Variants in ADAM32 observed in about 807,000 individuals in gnomAD.
ADAM32 encodes the protein ADAM metallopeptidase domain 32, also known as disintegrin and metalloproteinase domain-containing protein 32.
Under a neutral mutation model 114.9 loss-of-function variants are expected in ADAM32, and 89 were observed. The ratio of observed to expected loss-of-function variants is 0.77; its 90% CI spans 0.65 to 0.92. ADAM32 has a LOEUF of 0.92. Among genes scored for constraint, ADAM32 ranks in the 40% least tolerant of loss-of-function variants. The probability of loss-of-function intolerance (pLI) is 0.00; values close to 1 mark genes in which losing one functional copy is unlikely to be tolerated. For missense variants in ADAM32, 870 were observed against 932.8 expected, an observed-to-expected ratio of 0.93 and a Z score of 0.88; for synonymous variants, 285 against 307.5, an observed-to-expected ratio of 0.93 and a Z score of 0.77.
chr8:39,275,961 A>G (rs1813049633), intron 22 of ADAM32, 95 bp downstream of exon 22: 1 of 1,199,694 alleles, frequency 8.3e-7, no homozygotes. Flanking sequence ...GCTAACTATT[A>G]ACTGAGTAGC....
intron 1 of ADAM32, among the ~76,000 whole-genome samples, chr8:39,116,585 T>A (rs902304909): frequency 6.6e-6 from 1 of 152,188 alleles, no homozygotes; most frequent in Non-Finnish European, 1.5e-5. Context: ...TACATTGATT[T>A]TGTATCCTGA....
chr8:39,189,939 C>T (rs577838945), intron 11 of ADAM32, among the ~76,000 whole-genome samples: 12 of 152,108 alleles, frequency 7.9e-5, no homozygotes, highest in African/African-American at 1.7e-4. Flanking sequence ...CTCAGCCTCC[C>T]GAGCAGCTGG....
At chr8:39,251,476 T>C (rs193276031) in intron 17 of ADAM32, among the ~76,000 whole-genome samples, 1 of 152,018 alleles carries the variant, frequency 6.6e-6, no homozygotes, top group East Asian at 1.9e-4. Context: ...TGTTGAACAT[T>C]TTTTCATATA....
At chr8:39,215,535 T>C (rs1808501097) in intron 12 of ADAM32, among the ~76,000 whole-genome samples, 1 of 152,018 alleles carries the variant, frequency 6.6e-6, no homozygotes, top group South Asian at 2.1e-4. Flanking sequence ...GCTATAAACA[T>C]ACCTTTTAGT....
chr8:39,270,952 A>C, intron 20 of ADAM32, 38 bp downstream of exon 20: 2 of 1,568,004 alleles, frequency 1.3e-6, no homozygotes, highest in East Asian at 4.5e-5. Context: ...ATACATGTTG[A>C]AAATTAAGAG....
chr8:39,150,730 T>A, intron 5 of ADAM32, among the ~76,000 whole-genome samples: 1 of 152,176 alleles, frequency 6.6e-6, no homozygotes, highest in East Asian at 1.9e-4. Flanking sequence ...TAGGGAGTAG[T>A]GACTTGGGCT....
chr8:39,206,052 G>C (rs751451311), intron 11 of ADAM32, among the ~76,000 whole-genome samples: 2 of 152,186 alleles, frequency 1.3e-5, no homozygotes, highest in Non-Finnish European at 2.9e-5. Flanking sequence ...ACTTTTCCCT[G>C]TAGATGTATT....
chr8:39,166,996 A>T (rs192366950), intron 9 of ADAM32: 3 of 152,144 alleles, frequency 2.0e-5, no homozygotes, highest in Non-Finnish European at 4.4e-5. Flanking sequence ...TTGTCTGTTT[A>T]CTGTGCTGAC....
At chr8:39,282,302 A>C (rs1813469466) in intron 23 of ADAM32, among the ~76,000 whole-genome samples, 2 of 152,242 alleles carry the variant, frequency 1.3e-5, no homozygotes, top group African/African-American at 4.8e-5. Context: ...ATACTTGCTT[A>C]ACGAATGAGT....
chr8:39,156,609 T>A (rs1804167186), intron 6 of ADAM32, among the ~76,000 whole-genome samples: 1 of 152,194 alleles, frequency 6.6e-6, no homozygotes, highest in Non-Finnish European at 1.5e-5. Context: ...GCCATAACAA[T>A]TTACCATGGA....
chr8:39,220,840 T>C (rs1283753529), intron 12 of ADAM32: 4 of 152,080 alleles, frequency 2.6e-5, no homozygotes, highest in African/African-American at 9.6e-5. Flanking sequence ...GCATATGGTC[T>C]ATTCTGAAGA....
chr8:39,233,126 A>C (rs553524484), intron 15 of ADAM32, among the ~76,000 whole-genome samples: 2 of 152,314 alleles, frequency 1.3e-5, no homozygotes, highest in South Asian at 4.2e-4. Context: ...ATCTTGTGGA[A>C]GAGAGAATTT....
At chr8:39,161,752 A>G (rs979333590) in intron 7 of ADAM32, among the ~76,000 whole-genome samples, 2 of 152,100 alleles carry the variant, frequency 1.3e-5, no homozygotes, top group Admixed American at 6.5e-5. Context: ...AGGGACCAGG[A>G]TTTGGAGAAA....
At chr8:39,258,506 T>A (rs1400475175) in intron 19 of ADAM32, among the ~76,000 whole-genome samples, 1 of 152,144 alleles carries the variant, frequency 6.6e-6, no homozygotes, top group African/African-American at 2.4e-5. Context: ...GAATCAATTG[T>A]AATCTTTAGT....
intron 10 of ADAM32, among the ~76,000 whole-genome samples, chr8:39,183,673 C>G (rs1806051381): frequency 6.6e-6 from 1 of 152,212 alleles, no homozygotes. Context: ...TCCTTCCTAC[C>G]TCTCTGGATG....
chr8:39,205,665 C>A (rs1189768663), intron 11 of ADAM32, among the ~76,000 whole-genome samples: 3 of 152,242 alleles, frequency 2.0e-5, no homozygotes, highest in Non-Finnish European at 2.9e-5. Context: ...GTGAGATGAA[C>A]CTGGAACCTC....
chr8:39,114,450 A>C (rs1401711684), intron 1 of ADAM32, among the ~76,000 whole-genome samples: 2 of 152,220 alleles, frequency 1.3e-5, no homozygotes, highest in African/African-American at 2.4e-5. Context: ...TGGTGATTGC[A>C]TCAGTTTCTG....
intron 10 of ADAM32, among the ~76,000 whole-genome samples, chr8:39,172,551 G>C (rs1420708141): frequency 5.9e-5 from 9 of 152,084 alleles, no homozygotes; most frequent in Admixed American, 5.9e-4. Flanking sequence ...TTATTGTTCA[G>C]CTCCCACTTA....
intron 17 of ADAM32, among the ~76,000 whole-genome samples, chr8:39,247,738 T>C (rs956022514): frequency 1.3e-4 from 20 of 152,022 alleles, no homozygotes; most frequent in Admixed American, 1.2e-3. Flanking sequence ...GCCTTCAGTA[T>C]TGTATCTAAA....
Sources: gnomAD v4.1 joint callset for allele counts (sites outside exome capture counted in the v4.1 genomes callset) on GRCh38, gnomAD v4.1.1 for gene constraint, MANE v1.5 for transcripts, NCBI Gene and HGNC (gene_info 2026-07-23, HGNC 2026-07-21) for gene names.